Variants in INPP4B observed in about 807,000 individuals in gnomAD.
INPP4B encodes the protein inositol polyphosphate 4-phosphatase type II.
A neutral mutation model predicts 122.5 loss-of-function variants in INPP4B; 55 were observed. The ratio of observed to expected loss-of-function variants is 0.45; its 90% confidence interval spans 0.36 to 0.56. The LOEUF is 0.56. Ranked by LOEUF, INPP4B falls within the 20% of genes least tolerant of loss-of-function variation. INPP4B has a pLI of 0.00. For missense variants in INPP4B, 1,000 were observed against 1,097.7 expected (o/e 0.91, Z 1.26); for synonymous variants, 403 against 388.7 (o/e 1.04, Z -0.43).
intron 23 of INPP4B, among the ~76,000 whole-genome samples, chr4:142,098,450 T>G (rs1783008191): frequency 6.6e-6 from 1 of 152,108 alleles, no homozygotes. Context: ...TCACTTTGGA[T>G]GTAGTGGATA....
chr4:142,049,122 C>A (rs769259841), intron 25 of INPP4B, among the ~76,000 whole-genome samples: 7 of 151,680 alleles, frequency 4.6e-5, no homozygotes, highest in Non-Finnish European at 8.8e-5. Context: ...TTATAGCACA[C>A]GTTACCAGAA....
At chr4:142,635,879 T>C (rs1467039954) in intron 2 of INPP4B, among the ~76,000 whole-genome samples, 2 of 152,126 alleles carry the variant, frequency 1.3e-5, no homozygotes, top group East Asian at 1.9e-4. Context: ...AAAAAATTAA[T>C]AAGTTTTGAA....
intron 2 of INPP4B, among the ~76,000 whole-genome samples, chr4:142,508,021 A>G (rs552228430): frequency 5.9e-5 from 9 of 152,224 alleles, no homozygotes; most frequent in African/African-American, 2.2e-4. Flanking sequence ...AGAAAACTTA[A>G]GGTTGTAAAT....
intron 25 of INPP4B, among the ~76,000 whole-genome samples, chr4:142,054,671 T>G: frequency 6.6e-6 from 1 of 152,132 alleles, no homozygotes; most frequent in East Asian, 1.9e-4. Context: ...TAATATTTTC[T>G]GATCAATTGC....
chr4:142,446,189 T>C (rs1160275609), intron 3 of INPP4B, among the ~76,000 whole-genome samples: 1 of 151,808 alleles, frequency 6.6e-6, no homozygotes, highest in Non-Finnish European at 1.5e-5. Context: ...CCAGAATATA[T>C]TAATCATGTG....
chr4:142,608,492 A>G (rs1214007577), intron 2 of INPP4B, among the ~76,000 whole-genome samples: 1 of 152,134 alleles, frequency 6.6e-6, no homozygotes, highest in African/African-American at 2.4e-5. Flanking sequence ...ATACCCTATA[A>G]TCTTCCACCC....
At chr4:142,650,510 G>T (rs1160608430) in intron 2 of INPP4B, among the ~76,000 whole-genome samples, 1 of 151,608 alleles carries the variant, frequency 6.6e-6, no homozygotes, top group Non-Finnish European at 1.5e-5. Flanking sequence ...CAAAATAAAG[G>T]GATAAAGGAA....
chr4:142,818,934 C>T (rs1780470346), intron 1 of INPP4B, among the ~76,000 whole-genome samples: 1 of 152,090 alleles, frequency 6.6e-6, no homozygotes, highest in Non-Finnish European at 1.5e-5. Context: ...ATGTGAATGC[C>T]AAGAGGACAA....
rs1052786492 is a variant in INPP4B, at chr4:142,208,905, T to C, written c.958A>G (p.Lys320Glu). 4.5e-6 allele frequency: 7 copies of C among 1,565,612 alleles called. No homozygotes were observed. The African/African-American group carries it at 9.5e-5, about 21-fold the overall frequency. ...GAAATTGCTTCCACACCTGTTTCCT[T>C]GCTAAGTTCTGTCAGAATGTCTTGG... ...MYQDILTELS[K>E]ETGSSFKSSS... Residue 320 changes from lysine to glutamate, a missense_variant, in exon 13 of 26, where the codon AAG (lysine) becomes GAG (glutamate). Coordinates refer to ENST00000262992, the MANE Select transcript of INPP4B (RefSeq NM_001101669.3).
Position 142,237,994 on chromosome 4 carries a change from A to C in INPP4B, c.706T>G (p.Cys236Gly). Residue 236 changes from cysteine to glycine, a missense_variant, in exon 12 of 26, where the codon TGT becomes GGT. Coordinates refer to ENST00000262992, the MANE Select transcript of INPP4B (RefSeq NM_001101669.3). Reference sequence around the variant, plus strand: ...GATGTGGGAAATCTATATAATTTACATACTGGGTTCTTTAACACTGGAAAA... The same window carrying C: ...GATGTGGGAAATCTATATAATTTACCTACTGGGTTCTTTAACACTGGAAAA... ...FLNSVLKNPV[C>G]KLYRFPTSDN... is the part of the protein sequence containing the mutation. 1 of 1,546,186 alleles carries C rather than the reference A, an allele frequency of 6.5e-7. No individual in the cohort carries two copies. The highest frequency in any genetic ancestry group is 8.9e-7 in the Non-Finnish European group (1 of 1,125,914).
intron 16 of INPP4B, among the ~76,000 whole-genome samples, chr4:142,171,373 C>T (rs541677193): frequency 6.6e-5 from 10 of 151,888 alleles, no homozygotes; most frequent in African/African-American, 2.4e-4. Flanking sequence ...TTTCCAAACA[C>T]GCAAGTTCAG....
chr4:142,137,054 C>CA (rs965886889), intron 18 of INPP4B, among the ~76,000 whole-genome samples: 17 of 151,994 alleles, frequency 1.1e-4, no homozygotes, highest in Non-Finnish European at 2.9e-5. Context: ...CATATGGAAC[C>CA]AAAAAAGAGC....
At chr4:142,102,535 T>G (rs971133720) in intron 23 of INPP4B, among the ~76,000 whole-genome samples, 9 of 150,852 alleles carry the variant, frequency 6.0e-5, no homozygotes, top group Non-Finnish European at 1.0e-4. Context: ...AGAGAAAGTG[T>G]TGTATCAGCA....
chr4:142,560,896 C>CA (rs1730330473), intron 2 of INPP4B, among the ~76,000 whole-genome samples: 1 of 152,186 alleles, frequency 6.6e-6, no homozygotes, highest in Non-Finnish European at 1.5e-5. Context: ...GTCAAGTTGA[C>CA]ACTCAATATT....
chr4:142,454,605 T>C (rs1814999179), intron 3 of INPP4B, among the ~76,000 whole-genome samples: 1 of 152,090 alleles, frequency 6.6e-6, no homozygotes, highest in African/African-American at 2.4e-5. Flanking sequence ...ACAGCATTTA[T>C]CATCATAGTA....
In INPP4B at chr4:142,124,313, T is replaced by C. The variant is rs1490058270; in HGVS notation, c.1893+275A>G. 2.6e-5 allele frequency among the ~76,000 whole-genome samples: 4 copies of C among 152,094 alleles called. No individual in the cohort carries two copies. The East Asian group carries it at 7.7e-4, about 29-fold the overall frequency. ...ATCCCAGAGCATAATACAAAGATGA[T>C]GACCACTTCCTTCACGGACTTCATG... On this transcript the variant is annotated intron_variant, in intron 19 of 25. Coordinates refer to ENST00000262992, the MANE Select transcript of INPP4B (RefSeq NM_001101669.3).
intron 23 of INPP4B, among the ~76,000 whole-genome samples, chr4:142,102,339 GC>G (rs1358533515): frequency 6.6e-6 from 1 of 151,762 alleles, no homozygotes; most frequent in Non-Finnish European, 1.5e-5. Flanking sequence ...TGCACTCACA[GC>G]TTTTACAAAT....
chr4:142,372,215 A>G (rs1790198990), intron 7 of INPP4B, among the ~76,000 whole-genome samples: 1 of 152,090 alleles, frequency 6.6e-6, no homozygotes, highest in South Asian at 2.1e-4. Context: ...TCACTCCTAT[A>G]TGGGTGATAA....
intron 2 of INPP4B, among the ~76,000 whole-genome samples, chr4:142,601,885 C>A (rs1054051821): frequency 1.4e-5 from 2 of 141,834 alleles, no homozygotes; most frequent in African/African-American, 5.2e-5. Flanking sequence ...AGGAGAATGG[C>A]GTGAACCCGG....
Sources: allele counts gnomAD v4.1 joint callset (sites outside exome capture counted in the v4.1 genomes callset), GRCh38; gene constraint gnomAD v4.1.1; transcripts MANE v1.5; gene names NCBI Gene and HGNC (gene_info 2026-07-23, HGNC 2026-07-21).